SERGEF: variants seen among roughly 807,000 people sequenced by gnomAD.
SERGEF encodes secretion-regulating guanine nucleotide exchange factor.
A neutral mutation model predicts 50.0 loss-of-function variants in SERGEF; 51 were observed. The observed-to-expected ratio is 1.02, with a 90% CI of 0.81 to 1.29. The LOEUF (loss-of-function observed/expected upper bound fraction) is 1.29, where lower values mean the gene tolerates loss of function less well. Among genes scored for constraint, SERGEF ranks in the 50% most tolerant of loss-of-function variants. The pLI, the probability that SERGEF is intolerant of heterozygous loss-of-function variation, is 0.00. For missense variants in SERGEF, 521 were observed against 557.0 expected (o/e 0.94, Z 0.65); for synonymous variants, 205 against 212.4 (o/e 0.97, Z 0.30).
At chr11:17,792,613 T>A (rs1849502726) in intron 10 of SERGEF, among the ~76,000 whole-genome samples, 1 of 152,088 alleles carries the variant, frequency 6.6e-6, no homozygotes, top group Non-Finnish European at 1.5e-5. Context: ...CCCAGTAATA[T>A]CCCCCCGCAG....
At chr11:17,803,618 A>G (rs1849709006) in intron 10 of SERGEF, among the ~76,000 whole-genome samples, 1 of 152,178 alleles carries the variant, frequency 6.6e-6, no homozygotes, top group South Asian at 2.1e-4. Flanking sequence ...CACGTGACAC[A>G]CGCTCACTGG....
At chr11:17,898,898 T>C (rs1851694284) in intron 9 of SERGEF, among the ~76,000 whole-genome samples, 1 of 152,154 alleles carries the variant, frequency 6.6e-6, no homozygotes, top group Non-Finnish European at 1.5e-5. Flanking sequence ...GACTGGATCA[T>C]AGGCGTGGCC....
chr11:17,890,279 A>G (rs1851509042), intron 9 of SERGEF, among the ~76,000 whole-genome samples: 1 of 152,216 alleles, frequency 6.6e-6, no homozygotes, highest in Non-Finnish European at 1.5e-5. Context: ...AAATGTATTG[A>G]AGATAATGGG....
rs539018251 is a variant in SERGEF, at chr11:17,840,798, C to G, written c.1048+37410G>C. 2.6e-5 allele frequency among the ~76,000 whole-genome samples: 4 copies of G among 152,320 alleles called. No individual in the cohort carries two copies. The South Asian group carries it at 8.3e-4, about 32-fold the overall frequency. On this transcript the variant is annotated intron_variant, in intron 10 of 10. Coordinates refer to ENST00000265965, the MANE Select transcript of SERGEF (RefSeq NM_012139.4). ...TTAGTATTCTCTAAAATCACAAGAA[C>G]AGCAAAGCCAGATGGGTTCTGGGGC...
At chr11:17,965,867 A>C (rs1853110727) in intron 8 of SERGEF, among the ~76,000 whole-genome samples, 1 of 152,226 alleles carries the variant, frequency 6.6e-6, no homozygotes, top group Non-Finnish European at 1.5e-5. Flanking sequence ...CAACAGCTCT[A>C]AGTCTTATCT....
In SERGEF at chr11:18,007,987, A is replaced by G; in HGVS notation, c.150T>C (p.Ser50=). ...QQLNDFCKPR[S]VRRITGGGGH... is the part of the protein sequence containing the mutation. ...CCCCTCCTCCTGTGATCCTCCTGAC[A>G]CTCCTGGGTTTACAGAAGTCATTCA... is the stretch of plus-strand genomic sequence containing the variant. The change falls in exon 2 of 11, where the codon AGT becomes AGC. Residue 50 remains serine, a synonymous_variant. Coordinates refer to ENST00000265965, the MANE Select transcript of SERGEF (RefSeq NM_012139.4). The G allele has an allele frequency of 6.2e-7, 1 of 1,613,560 alleles. No homozygotes were observed. The highest frequency in any genetic ancestry group is 8.5e-7 in the Non-Finnish European group (1 of 1,179,784).
chr11:17,918,480 G>A (rs1403318561), intron 9 of SERGEF, among the ~76,000 whole-genome samples: 1 of 152,142 alleles, frequency 6.6e-6, no homozygotes, highest in Non-Finnish European at 1.5e-5. Context: ...CTCCCCAGAT[G>A]TCATGGCCTG....
intron 7 of SERGEF, among the ~76,000 whole-genome samples, chr11:17,992,189 T>C (rs1269683826): frequency 6.6e-6 from 1 of 151,770 alleles, no homozygotes; most frequent in Non-Finnish European, 1.5e-5. Flanking sequence ...AACAGATAGA[T>C]CAAAGAGATG....
chr11:17,868,240 T>C (rs1851068257), intron 10 of SERGEF, among the ~76,000 whole-genome samples: 1 of 152,218 alleles, frequency 6.6e-6, no homozygotes, highest in Admixed American at 6.5e-5. Flanking sequence ...AAGTCACCTG[T>C]TGAATGCTTT....
At chr11:17,804,224 C>T (rs1171700172) in intron 10 of SERGEF, among the ~76,000 whole-genome samples, 2 of 152,218 alleles carry the variant, frequency 1.3e-5, no homozygotes, top group African/African-American at 2.4e-5. Context: ...TCCCTCAGAG[C>T]TGTGACGCAC....
intron 10 of SERGEF, among the ~76,000 whole-genome samples, chr11:17,840,598 G>T (rs1286778818): frequency 1.3e-5 from 2 of 152,168 alleles, no homozygotes; most frequent in Non-Finnish European, 2.9e-5. Context: ...GCCCAGCTGA[G>T]CCCTGTTCAA....
intron 9 of SERGEF, among the ~76,000 whole-genome samples, chr11:17,925,665 G>A (rs746916254): frequency 1.3e-5 from 2 of 152,092 alleles, no homozygotes; most frequent in Non-Finnish European, 2.9e-5. Context: ...TGGTAAAAAT[G>A]CACACAGGGA....
At chr11:17,839,656 C>T (rs777188592) in intron 10 of SERGEF, among the ~76,000 whole-genome samples, 28 of 152,238 alleles carry the variant, frequency 1.8e-4, no homozygotes, top group Middle Eastern at 3.4e-3. Flanking sequence ...GAATGTTCTC[C>T]CTGTGCAGAG....
intron 8 of SERGEF, among the ~76,000 whole-genome samples, chr11:17,988,362 C>G (rs1045099777): frequency 1.3e-5 from 2 of 152,174 alleles, no homozygotes; most frequent in Non-Finnish European, 2.9e-5. Flanking sequence ...ACCTCATGGG[C>G]TCTTAGGACC....
intron 10 of SERGEF, among the ~76,000 whole-genome samples, chr11:17,792,906 T>A (rs1235452932): frequency 1.3e-5 from 2 of 152,176 alleles, no homozygotes; most frequent in Non-Finnish European, 2.9e-5. Context: ...TGATAACCCT[T>A]TAAAAACCAT....
rs146487912 is a variant in SERGEF, at chr11:17,920,896, G to T, written c.1011+38574C>A. Among the ~76,000 whole-genome samples the T allele has an allele frequency of 1.1e-4, 17 of 152,316 alleles. No homozygotes were observed. In the East Asian group the frequency reaches 3.3e-3, roughly 29 times the overall value. On this transcript the variant is annotated intron_variant, in intron 9 of 10. Coordinates refer to ENST00000265965, the MANE Select transcript of SERGEF (RefSeq NM_012139.4). The stretch of plus-strand genomic sequence containing the variant: ...GAATCAGGCCAGCTTCTCCAGTGAA[G>T]CAGTTTCTAATTTTTCCAGCTGCCT...
chr11:17,929,759 T>C (rs1210877529), intron 9 of SERGEF, among the ~76,000 whole-genome samples: 3 of 152,202 alleles, frequency 2.0e-5, no homozygotes. Flanking sequence ...CAGTTCTCTG[T>C]GTAAATGTTT....
At chr11:17,929,326 C>T (rs188611814) in intron 9 of SERGEF, among the ~76,000 whole-genome samples, 13 of 152,268 alleles carry the variant, frequency 8.5e-5, no homozygotes, top group Middle Eastern at 3.4e-3. Context: ...ACTTCATGCT[C>T]AAGGCAGCCA....
chr11:17,990,790 G>A (rs2041244), intron 7 of SERGEF, among the ~76,000 whole-genome samples: 48,243 of 150,740 alleles, frequency 0.32, 9,146 homozygotes, highest in East Asian at 0.49. Flanking sequence ...TTTTTGAGAC[G>A]GAGTCTTGCT....
Sources: allele counts gnomAD v4.1 joint callset (sites outside exome capture counted in the v4.1 genomes callset), GRCh38; gene constraint gnomAD v4.1.1; transcripts MANE v1.5; gene names NCBI Gene and HGNC (gene_info 2026-07-23, HGNC 2026-07-21).